DENND5B: variants seen among roughly 807,000 people sequenced by gnomAD.
DENND5B encodes the protein DENN domain containing 5B.
DENND5B carries 34 observed loss-of-function variants against 140.6 expected under a neutral mutation model. The ratio of observed to expected loss-of-function variants is 0.24; its 90% CI spans 0.18 to 0.32. The LOEUF (loss-of-function observed/expected upper bound fraction) is 0.32. Ranked by LOEUF, DENND5B falls within the 10% of genes least tolerant of loss-of-function variation. The pLI is 1.00. For synonymous variants in DENND5B, 551 were observed against 562.1 expected (o/e 0.98, Z 0.28); for missense variants, 1,142 against 1,560.2 (o/e 0.73, Z 4.52).
chr12:31,408,623 TCA>T (rs1491337633), intron 14 of DENND5B, among the ~76,000 whole-genome samples: 371 of 17,462 alleles, frequency 0.021, 2 homozygotes, highest in African/African-American at 0.046. Context: ...TGAGACTCTA[TCA>T]AAAAAAAAAA....
At chr12:31,580,677 T>C (rs186361472) in intron 1 of DENND5B, among the ~76,000 whole-genome samples, 53 of 152,214 alleles carry the variant, frequency 3.5e-4, no homozygotes, top group African/African-American at 1.2e-3. Flanking sequence ...GTATTTCTAG[T>C]AGAGACAGAG....
At chr12:31,406,756 A>C (rs1942143108) in intron 14 of DENND5B, among the ~76,000 whole-genome samples, 2 of 152,210 alleles carry the variant, frequency 1.3e-5, no homozygotes, top group African/African-American at 4.8e-5. Flanking sequence ...TCAGATGAAG[A>C]GAAATCTACA....
chr12:31,475,301 C>CTATA (rs956419875), intron 3 of DENND5B, among the ~76,000 whole-genome samples: 56 of 152,112 alleles, frequency 3.7e-4, no homozygotes, highest in African/African-American at 1.3e-3. Context: ...AAATCTAGCT[C>CTATA]TATAATCTCA....
At chr12:31,494,454 G>T (rs781245458) in intron 2 of DENND5B, among the ~76,000 whole-genome samples, 8 of 152,030 alleles carry the variant, frequency 5.3e-5, no homozygotes, top group Non-Finnish European at 1.2e-4. Flanking sequence ...ACCTAAGGCC[G>T]ATTCATGCTG....
At chr12:31,409,472 GTCT>G in intron 13 of DENND5B, 88 bp from the exon 14 acceptor site, 6 of 424,228 alleles carry the variant, frequency 1.4e-5, no homozygotes, top group Non-Finnish European at 1.9e-5. Flanking sequence ...TTTTCATTAT[GTCT>G]TTTTTTTTTT....
chr12:31,525,705 T>C (rs1285696815), intron 1 of DENND5B, among the ~76,000 whole-genome samples: 1 of 152,234 alleles, frequency 6.6e-6, no homozygotes, highest in Non-Finnish European at 1.5e-5. Context: ...AAAAAAATTC[T>C]ATGAGGTCAG....
intron 1 of DENND5B, among the ~76,000 whole-genome samples, chr12:31,574,267 A>AAAAAATAAT (rs141072772): frequency 2.0e-4 from 18 of 89,720 alleles, no homozygotes; most frequent in African/African-American, 4.9e-4. Flanking sequence ...TGTCTCTAAA[A>AAAAAATAAT]AATAATAATA....
chr12:31,480,316 T>C, intron 2 of DENND5B, 61 bp from the exon 3 acceptor site: 3 of 1,355,428 alleles, frequency 2.2e-6, no homozygotes, highest in Non-Finnish European at 2.8e-6. Flanking sequence ...AAGCCAGAAA[T>C]AAATGTTGTT....
At chr12:31,534,814 G>A (rs1027997412) in intron 1 of DENND5B, 2 of 455,580 alleles carry the variant, frequency 4.4e-6, no homozygotes, top group African/African-American at 4.2e-5. Flanking sequence ...CTTTGAAGTT[G>A]TTTTTCAGCC....
chr12:31,523,452 C>T (rs181068934), intron 1 of DENND5B, among the ~76,000 whole-genome samples: 56 of 152,242 alleles, frequency 3.7e-4, no homozygotes, highest in African/African-American at 1.1e-3. Context: ...AATCCTGGCA[C>T]TTAAGCGGGA....
At chr12:31,393,743 A>C (rs1212866180) in intron 17 of DENND5B, among the ~76,000 whole-genome samples, 1 of 152,076 alleles carries the variant, frequency 6.6e-6, no homozygotes, top group Non-Finnish European at 1.5e-5. Flanking sequence ...GCTGGAGTGC[A>C]GTGGTGCAAT....
chr12:31,559,224 T>C (rs993955731), intron 1 of DENND5B, among the ~76,000 whole-genome samples: 1 of 152,172 alleles, frequency 6.6e-6, no homozygotes, highest in African/African-American at 2.4e-5. Flanking sequence ...TCATGGCAAA[T>C]TAAGCTACCC....
At chr12:31,567,317 C>CAAA (rs113948267) in intron 1 of DENND5B, among the ~76,000 whole-genome samples, 3 of 142,432 alleles carry the variant, frequency 2.1e-5, no homozygotes, top group African/African-American at 5.2e-5. Flanking sequence ...GACCTTGTCT[C>CAAA]AAAAAAAAAA....
intron 1 of DENND5B, among the ~76,000 whole-genome samples, chr12:31,580,324 A>C (rs1412073341): frequency 1.3e-5 from 2 of 152,188 alleles, no homozygotes; most frequent in African/African-American, 4.8e-5. Context: ...TGAAGAGGAA[A>C]GGAATAGGCT....
intron 14 of DENND5B, among the ~76,000 whole-genome samples, chr12:31,405,682 G>A (rs1287546913): frequency 3.3e-5 from 5 of 151,594 alleles, no homozygotes; most frequent in African/African-American, 9.7e-5. Context: ...CAAGTAGTTG[G>A]GATTACGGGG....
intron 2 of DENND5B, among the ~76,000 whole-genome samples, chr12:31,483,226 G>A (rs1400607384): frequency 6.6e-6 from 1 of 152,152 alleles, no homozygotes; most frequent in African/African-American, 2.4e-5. Flanking sequence ...ACCTGGGTGG[G>A]CTGCTGAGAG....
At position 31,384,213 on chromosome 12, in the gene DENND5B, G is replaced by T. The variant is rs537858172; in HGVS notation, c.*3390C>A. 6 of 152,100 alleles carry T rather than the reference G, an allele frequency of 3.9e-5. No individual in the cohort carries two copies. In the East Asian group the frequency reaches 1.2e-3, roughly 29 times the overall value. The allele number at this position is 152,100 out of a possible 1,614,324, so 9.4% of individuals were successfully genotyped here. ...TCCTTTGTTTTGTTTTTTTGAGATG[G>T]GGTTTCCCTATGTTACCCAGGCTGG... On this transcript the variant is annotated 3_prime_UTR_variant, in exon 21 of 21. Coordinates refer to ENST00000389082, the MANE Select transcript of DENND5B (RefSeq NM_144973.4).
intron 20 of DENND5B, among the ~76,000 whole-genome samples, chr12:31,388,133 C>CTT (rs35172373): frequency 1.6e-4 from 23 of 147,866 alleles, no homozygotes; most frequent in South Asian, 1.1e-3. Context: ...TTTTCTATGT[C>CTT]TTTTTTTTTA....
chr12:31,426,651 C>T (rs188981064), intron 8 of DENND5B: 1 of 394,044 alleles, frequency 2.5e-6, no homozygotes, highest in Admixed American at 4.2e-5. Context: ...GAAACCCCAT[C>T]ACGTTAAAAC....
Sources: gnomAD v4.1 joint callset for allele counts (sites outside exome capture counted in the v4.1 genomes callset) on GRCh38, gnomAD v4.1.1 for gene constraint, MANE v1.5 for transcripts, NCBI Gene and HGNC (gene_info 2026-07-23, HGNC 2026-07-21) for gene names.